Variants in PCSK2 observed in about 807,000 individuals in gnomAD.
PCSK2 encodes the protein proprotein convertase subtilisin/kexin type 2.
PCSK2 carries 14 observed loss-of-function variants against 69.7 expected under a neutral mutation model. The ratio of observed to expected loss-of-function variants is 0.20; its 90% CI spans 0.13 to 0.31. The LOEUF is 0.31. PCSK2 is among the 10% of genes least tolerant of loss of function. PCSK2 has a pLI of 1.00. For missense variants in PCSK2, 544 were observed against 842.5 expected (o/e 0.65, Z 4.39); for synonymous variants, 307 against 320.7 (o/e 0.96, Z 0.46).
At chr20:17,429,736 A>G (rs2032326219) in intron 7 of PCSK2, among the ~76,000 whole-genome samples, 1 of 152,232 alleles carries the variant, frequency 6.6e-6, no homozygotes, top group Admixed American at 6.5e-5. Flanking sequence ...AAAGTTAACA[A>G]ATCATAAATA....
chr20:17,373,776 A>G (rs1369347522), intron 5 of PCSK2, among the ~76,000 whole-genome samples: 2 of 152,222 alleles, frequency 1.3e-5, no homozygotes, highest in Non-Finnish European at 2.9e-5. Context: ...ATTCCCATTA[A>G]ACTAAGAATA....
chr20:17,299,917 A>G (rs1478109005), intron 2 of PCSK2, among the ~76,000 whole-genome samples: 1 of 152,182 alleles, frequency 6.6e-6, no homozygotes, highest in Non-Finnish European at 1.5e-5. Context: ...GGTGAAAAGC[A>G]TTGACTAACT....
intron 6 of PCSK2, among the ~76,000 whole-genome samples, chr20:17,415,844 A>G (rs1023233776): frequency 6.6e-6 from 1 of 152,108 alleles, no homozygotes; most frequent in Non-Finnish European, 1.5e-5. Context: ...TATATAGAAC[A>G]GAACAGAGGC....
At chr20:17,344,673 C>A (rs753879412) in intron 2 of PCSK2, among the ~76,000 whole-genome samples, 1 of 152,170 alleles carries the variant, frequency 6.6e-6, no homozygotes, top group Non-Finnish European at 1.5e-5. Context: ...CTACAAGAAA[C>A]AATACTGCAA....
chr20:17,236,325 T>C (rs79946837), intron 1 of PCSK2, among the ~76,000 whole-genome samples: 6,010 of 152,228 alleles, frequency 0.039, 392 homozygotes, highest in African/African-American at 0.14. Flanking sequence ...CTAAAATTCA[T>C]AAGAAATTAT....
rs147424394 is a variant in PCSK2, at chr20:17,455,975, G to A, written c.1102-373G>A. On this transcript the variant is annotated intron_variant, in intron 9 of 11. Transcript: ENST00000262545. ...AAATAAAAGGAGTAGGCTGGGGGCA[G>A]TGACTCATGCCTGTAATCCTTTGGA... 2.0e-5 allele frequency among the ~76,000 whole-genome samples: 3 copies of A among 152,350 alleles called. No homozygotes were observed. The East Asian group carries it at 5.8e-4, about 29-fold the overall frequency.
intron 11 of PCSK2, among the ~76,000 whole-genome samples, chr20:17,468,679 T>G (rs1372687745): frequency 7.0e-6 from 1 of 143,114 alleles, no homozygotes; most frequent in African/African-American, 2.7e-5. Context: ...AGTGTCCTCC[T>G]GTAGACGGGC....
Position 17,483,374 on chromosome 20 carries a change from A to G in PCSK2, c.*1304A>G, listed in dbSNP as rs552256471. 6.6e-6 allele frequency: 1 copy of G among 152,338 alleles called. No individual in the cohort carries two copies. The highest frequency in any genetic ancestry group is 2.1e-4 in the South Asian group (1 of 4,826). 9.4% of individuals were successfully genotyped at this position (152,338 alleles called of 1,614,324 possible). ...CAGTCCCTGAGACCATTTAACATGCAACCCGAAGGTTATGGTCAATCCCAA... is the reference window on the plus strand; with the variant it reads ...CAGTCCCTGAGACCATTTAACATGCGACCCGAAGGTTATGGTCAATCCCAA... On this transcript the variant is annotated 3_prime_UTR_variant, in exon 12 of 12. Coordinates refer to ENST00000262545, the MANE Select transcript of PCSK2 (RefSeq NM_002594.5).
intron 7 of PCSK2, among the ~76,000 whole-genome samples, chr20:17,432,620 A>G (rs1399060542): frequency 6.6e-6 from 1 of 152,218 alleles, no homozygotes; most frequent in Non-Finnish European, 1.5e-5. Context: ...AAAAAGATTG[A>G]GTCAAAAATT....
intron 2 of PCSK2, among the ~76,000 whole-genome samples, chr20:17,293,788 G>A (rs1177228126): frequency 6.6e-6 from 1 of 151,990 alleles, no homozygotes; most frequent in African/African-American, 2.4e-5. Context: ...TTCCTCTTCT[G>A]GCAGCCTTCT....
intron 5 of PCSK2, among the ~76,000 whole-genome samples, chr20:17,393,315 G>C (rs1233735178): frequency 1.3e-5 from 2 of 152,022 alleles, no homozygotes; most frequent in African/African-American, 4.8e-5. Context: ...TTATAAGCAA[G>C]TATATCTCAA....
At chr20:17,249,492 G>A (rs541369305) in intron 1 of PCSK2, among the ~76,000 whole-genome samples, 9 of 119,020 alleles carry the variant, frequency 7.6e-5, no homozygotes, top group African/African-American at 1.7e-4. Flanking sequence ...GGGAGAGAGC[G>A]AGACTCTGTC....
chr20:17,378,014 T>C (rs2030976909), intron 5 of PCSK2, among the ~76,000 whole-genome samples: 2 of 152,212 alleles, frequency 1.3e-5, no homozygotes, highest in Admixed American at 6.5e-5. Context: ...AGCCGTATTG[T>C]TCCCACTGTG....
intron 10 of PCSK2, among the ~76,000 whole-genome samples, chr20:17,461,318 C>G (rs1181917649): frequency 6.6e-6 from 1 of 152,076 alleles, no homozygotes; most frequent in Non-Finnish European, 1.5e-5. Flanking sequence ...TGGAAATAAT[C>G]CAACCTTTGA....
chr20:17,252,561 G>T (rs1035154918), intron 1 of PCSK2, among the ~76,000 whole-genome samples: 1 of 152,164 alleles, frequency 6.6e-6, no homozygotes, highest in African/African-American at 2.4e-5. Context: ...GGCCCACAAG[G>T]GTTAACTAAC....
At chr20:17,264,412 C>G (rs1987512554) in intron 2 of PCSK2, among the ~76,000 whole-genome samples, 1 of 152,164 alleles carries the variant, frequency 6.6e-6, no homozygotes, top group South Asian at 2.1e-4. Context: ...TTCCTTGCTT[C>G]TCTCATCTCA....
chr20:17,276,661 C>T (rs1357566072), intron 2 of PCSK2, among the ~76,000 whole-genome samples: 2 of 151,842 alleles, frequency 1.3e-5, no homozygotes, highest in Non-Finnish European at 2.9e-5. Flanking sequence ...TAATAATGGC[C>T]CTGTGATGCC....
intron 2 of PCSK2, among the ~76,000 whole-genome samples, chr20:17,269,396 C>T (rs755877491): frequency 6.6e-6 from 1 of 152,100 alleles, no homozygotes; most frequent in South Asian, 2.1e-4. Flanking sequence ...GAAACAGGAT[C>T]AGAGGTCAAG....
At chr20:17,429,566 A>G in intron 7 of PCSK2, 43 bp downstream of exon 7, 1 of 1,309,618 alleles carries the variant, frequency 7.6e-7, no homozygotes, top group Non-Finnish European at 1.1e-6. Flanking sequence ...TAGGTATCAC[A>G]CTGATCTCAA....
Sources: gnomAD v4.1 joint callset for allele counts (sites outside exome capture counted in the v4.1 genomes callset) on GRCh38, gnomAD v4.1.1 for gene constraint, MANE v1.5 for transcripts, NCBI Gene and HGNC (gene_info 2026-07-23, HGNC 2026-07-21) for gene names.